Variants in LPAR3 observed in about 807,000 individuals in gnomAD.
LPAR3 encodes the protein LPA receptor 3.
Under a neutral mutation model 17.8 loss-of-function variants are expected in LPAR3, and 7 were observed. The observed-to-expected ratio is 0.39, with a 90% CI of 0.22 to 0.74. The LOEUF (loss-of-function observed/expected upper bound fraction) is 0.74. Among genes scored for constraint, LPAR3 ranks in the 30% least tolerant of loss-of-function variants. LPAR3 has a pLI of 0.40. For missense variants in LPAR3, 391 were observed against 453.4 expected (o/e 0.86, Z 1.25); for synonymous variants, 179 against 179.9 (o/e 0.99, Z 0.04).
chr1:84,865,320 C>A, intron 2 of LPAR3, 65 bp downstream of exon 2: 1 of 1,510,314 alleles, frequency 6.6e-7, no homozygotes, highest in Non-Finnish European at 8.9e-7. Flanking sequence ...TGGTACACCA[C>A]AGATGCTCCG....
At chr1:84,836,413 T>G (rs1382321152) in intron 2 of LPAR3, among the ~76,000 whole-genome samples, 1 of 150,164 alleles carries the variant, frequency 6.7e-6, no homozygotes, top group African/African-American at 2.5e-5. Flanking sequence ...AACATTAAAA[T>G]AGTTAACCAA....
chr1:84,877,631 T>A (rs1660283450), intron 1 of LPAR3, among the ~76,000 whole-genome samples: 1 of 152,234 alleles, frequency 6.6e-6, no homozygotes, highest in African/African-American at 2.4e-5. Context: ...TTTGAACCTC[T>A]ATAATCCGTA....
chr1:84,844,654 T>C (rs536580230), intron 2 of LPAR3, among the ~76,000 whole-genome samples: 7 of 152,192 alleles, frequency 4.6e-5, no homozygotes, highest in African/African-American at 1.4e-4. Flanking sequence ...TAGCCTTATA[T>C]AGCCACTGAA....
chr1:84,879,316 C>CTTTTTTTTTTTTTTTTTTTTTTTTTTT (rs1187756554), intron 1 of LPAR3, among the ~76,000 whole-genome samples: 23 of 120,596 alleles, frequency 1.9e-4, no homozygotes, highest in African/African-American at 5.9e-4. Flanking sequence ...TTTCTTTTTT[C>CTTTTTTTTTTTTTTTTTTTTTTTTTTT]TTTTTTTTTT....
intron 2 of LPAR3, among the ~76,000 whole-genome samples, chr1:84,846,972 G>A (rs1396039094): frequency 1.3e-5 from 2 of 152,118 alleles, no homozygotes; most frequent in East Asian, 3.9e-4. Flanking sequence ...AGGGTATGAG[G>A]TATTTCCCAA....
intron 2 of LPAR3, among the ~76,000 whole-genome samples, chr1:84,863,917 A>T (rs1659988827): frequency 6.6e-6 from 1 of 152,200 alleles, no homozygotes; most frequent in Non-Finnish European, 1.5e-5. Context: ...CCTTTAAAAA[A>T]TATCTGGAAT....
rs547469225 is a variant in LPAR3, at chr1:84,863,073, T to C, written c.736+2312A>G. ...CTTTCTCTCCTCCCTTTTTTTTTTT[T>C]TGGTTTTGTTTTTGTTTCTTAAGAC... is the stretch of plus-strand genomic sequence containing the variant. On this transcript the variant is annotated intron_variant, in intron 2 of 2. Transcript: ENST00000370611. 1.4e-4 allele frequency among the ~76,000 whole-genome samples: 21 copies of C among 152,120 alleles called. No homozygotes were observed. The South Asian group carries it at 4.4e-3, about 32-fold the overall frequency.
chr1:84,814,077 C>T lies in LPAR3; in HGVS notation c.831G>A (p.Trp277Ter). The stretch of plus-strand genomic sequence containing the variant: ...AGTTGAGCAGCGCCAGCAGCAGGAA[C>T]CACCTTTTCACATGCTGCACGCCAC... ...RQCGVQHVKR[W>*]FLLLALLNSV... Residue 277 changes from tryptophan (W) to a stop codon, truncating the protein, a stop_gained, in exon 3 of 3, where the codon TGG (tryptophan) becomes TGA (stop). Transcript: ENST00000370611. LOFTEE classifies it high-confidence loss of function. 1 of 1,614,164 alleles carries T rather than the reference C, an allele frequency of 6.2e-7. No individual in the cohort carries two copies. Among genetic ancestry groups the T allele is most frequent in the Non-Finnish European group, 8.5e-7 (1 of 1,180,038 alleles).
intron 2 of LPAR3, among the ~76,000 whole-genome samples, chr1:84,836,524 G>A (rs566356867): frequency 6.6e-6 from 1 of 152,196 alleles, no homozygotes; most frequent in South Asian, 2.1e-4. Flanking sequence ...GTTTAAAACT[G>A]ACATGTTCCT....
intron 1 of LPAR3, 31 bp from the exon 2 acceptor site, chr1:84,866,169 T>C (rs1660045813): frequency 6.8e-7 from 1 of 1,473,852 alleles, no homozygotes; most frequent in Non-Finnish European, 9.2e-7. Flanking sequence ...GAAACAAATA[T>C]CATTTGTAAA....
At chr1:84,867,543 CT>C (rs59270501) in intron 1 of LPAR3, among the ~76,000 whole-genome samples, 3 of 151,810 alleles carry the variant, frequency 2.0e-5, no homozygotes, top group East Asian at 1.9e-4. Flanking sequence ...GTATCTCAGT[CT>C]TTTTTTTAAT....
chr1:84,878,826 C>T (rs1660305111), intron 1 of LPAR3, among the ~76,000 whole-genome samples: 2 of 152,180 alleles, frequency 1.3e-5, no homozygotes, highest in Non-Finnish European at 2.9e-5. Context: ...ACTACACTGG[C>T]TAGGACCCTT....
intron 1 of LPAR3, among the ~76,000 whole-genome samples, chr1:84,868,942 T>C (rs1403774950): frequency 2.0e-5 from 3 of 152,186 alleles, no homozygotes; most frequent in African/African-American, 7.2e-5. Context: ...TTATGTGTCT[T>C]TTCTAATTAA....
chr1:84,887,585 G>A (rs139985557), intron 1 of LPAR3, among the ~76,000 whole-genome samples: 3 of 152,242 alleles, frequency 2.0e-5, no homozygotes, highest in Non-Finnish European at 4.4e-5. Context: ...GAAAAATGGC[G>A]AATTTAAGGT....
chr1:84,874,070 A>C (rs1233627734), intron 1 of LPAR3, among the ~76,000 whole-genome samples: 1 of 152,140 alleles, frequency 6.6e-6, no homozygotes, highest in African/African-American at 2.4e-5. Flanking sequence ...AACAAATCTT[A>C]AACTCAGACA....
At chr1:84,852,717 G>C (rs1347518138) in intron 2 of LPAR3, among the ~76,000 whole-genome samples, 1 of 152,158 alleles carries the variant, frequency 6.6e-6, no homozygotes, top group African/African-American at 2.4e-5. Flanking sequence ...AAGGAACAAA[G>C]GGCATTTCAG....
chr1:84,849,464 T>A (rs376336849), intron 2 of LPAR3, among the ~76,000 whole-genome samples: 1 of 151,572 alleles, frequency 6.6e-6, no homozygotes, highest in East Asian at 1.9e-4. Context: ...AACTGAGTCA[T>A]GAGGAAGACT....
intron 2 of LPAR3, among the ~76,000 whole-genome samples, chr1:84,845,653 C>A (rs1216547845): frequency 6.6e-6 from 1 of 152,138 alleles, no homozygotes; most frequent in Admixed American, 6.5e-5. Flanking sequence ...TTTTTAATTA[C>A]GCTCAAACCT....
intron 2 of LPAR3, among the ~76,000 whole-genome samples, chr1:84,862,135 T>C (rs1383749586): frequency 6.6e-6 from 1 of 152,236 alleles, no homozygotes; most frequent in East Asian, 1.9e-4. Flanking sequence ...CAAATGATTA[T>C]GCCTACAAGT....
Sources: allele counts gnomAD v4.1 joint callset (sites outside exome capture counted in the v4.1 genomes callset), GRCh38; gene constraint gnomAD v4.1.1; transcripts MANE v1.5; gene names NCBI Gene and HGNC (gene_info 2026-07-23, HGNC 2026-07-21).